The following PCSK2 variants were observed in gnomAD, a reference collection of about 807,000 sequenced individuals.
The protein encoded by PCSK2 is proprotein convertase subtilisin/kexin type 2.
PCSK2 carries 14 observed loss-of-function variants against 69.7 expected under a neutral mutation model. The ratio of observed to expected loss-of-function variants is 0.20; its 90% CI spans 0.13 to 0.31. The LOEUF (loss-of-function observed/expected upper bound fraction) is 0.31. PCSK2 is among the 10% of genes least tolerant of loss of function. The pLI, the probability that PCSK2 is intolerant of heterozygous loss-of-function variation, is 1.00. For synonymous variants in PCSK2, 307 were observed against 320.7 expected, an observed-to-expected ratio of 0.96 and a Z score of 0.46; for missense variants, 544 against 842.5, an observed-to-expected ratio of 0.65 and a Z score of 4.39.
At chr20:17,356,452 G>T (rs2030200219) in intron 2 of PCSK2, among the ~76,000 whole-genome samples, 2 of 152,148 alleles carry the variant, frequency 1.3e-5, no homozygotes, top group African/African-American at 4.8e-5. Context: ...TCATGTCAGT[G>T]TGCAGAGTAA....
intron 5 of PCSK2, among the ~76,000 whole-genome samples, chr20:17,402,115 G>A (rs1429272455): frequency 1.3e-5 from 2 of 152,158 alleles, no homozygotes; most frequent in South Asian, 2.1e-4. Context: ...TGTCTGCCTC[G>A]GCTGTTACTT....
rs144710649 is a variant in PCSK2 at position 17,392,249 on chromosome 20, A to T, written c.544-17014A>T. Reference sequence around the variant, plus strand: ...CAGGAAAGAACTCAGCATCTTGCTGACAAGTCAGGAAGAACTCACAACCTG... The same window carrying T: ...CAGGAAAGAACTCAGCATCTTGCTGTCAAGTCAGGAAGAACTCACAACCTG... On this transcript the variant is annotated intron_variant, in intron 5 of 11. Coordinates refer to ENST00000262545, the MANE Select transcript of PCSK2 (RefSeq NM_002594.5). Among the ~76,000 whole-genome samples the T allele has an allele frequency of 8.4e-3, 1,272 of 152,266 alleles. 13 individuals carry two copies. The highest frequency in any genetic ancestry group is 0.031 in the South Asian group (149 of 4,824).
rs2032948690 is a variant in PCSK2 at position 17,457,808 on chromosome 20, C to T, written c.1202+1360C>T. On this transcript the variant is annotated intron_variant, in intron 10 of 11. Transcript: ENST00000262545. ...GCAGAGCCAGGGAACAGGAGTGCTC[C>T]AAAAGCGAGAAGGGTTTCCGGTTGC... Among the ~76,000 whole-genome samples, 3 of 152,198 alleles carry T rather than the reference C, an allele frequency of 2.0e-5. No individual in the cohort carries two copies. In the South Asian group the frequency reaches 6.2e-4, roughly 32 times the overall value.
intron 2 of PCSK2, among the ~76,000 whole-genome samples, chr20:17,333,938 G>GATATATATATATATATAT (rs1990277000): frequency 5.1e-5 from 3 of 59,148 alleles, no homozygotes; most frequent in Admixed American, 2.1e-4. Context: ...TATATATATG[G>GATATATATATATATATAT]CTTCAAATCT....
At chr20:17,338,163 A>AT (rs138403647) in intron 2 of PCSK2, among the ~76,000 whole-genome samples, 8,051 of 52,824 alleles carry the variant, frequency 0.15, 535 homozygotes, top group South Asian at 0.41. Flanking sequence ...GAAACCTTAC[A>AT]TTTTTTTTGG....
chr20:17,449,526 G>GTGTATATATATATATATA (rs1555796488), intron 8 of PCSK2, among the ~76,000 whole-genome samples: 22 of 130,704 alleles, frequency 1.7e-4, no homozygotes, highest in Middle Eastern at 3.8e-3. Context: ...ATGTATGTAT[G>GTGTATATATATATATATA]TATATATATA....
At chr20:17,229,035 C>G (rs957934028) in intron 1 of PCSK2, among the ~76,000 whole-genome samples, 2 of 152,060 alleles carry the variant, frequency 1.3e-5, no homozygotes, top group Admixed American at 6.5e-5. Context: ...TCACTCCCCC[C>G]CACCCCAAAC....
chr20:17,367,493 G>A (rs2030629001), intron 4 of PCSK2, among the ~76,000 whole-genome samples: 1 of 152,240 alleles, frequency 6.6e-6, no homozygotes, highest in Admixed American at 6.5e-5. Flanking sequence ...TCTGAGCCCA[G>A]AGTGGAACTG....
intron 6 of PCSK2, among the ~76,000 whole-genome samples, chr20:17,414,676 C>T (rs898723187): frequency 4.6e-5 from 7 of 152,226 alleles, no homozygotes; most frequent in African/African-American, 9.6e-5. Context: ...TCCTCCCTAA[C>T]TCATTTTATG....
chr20:17,468,825 G>T (rs1332620863), intron 11 of PCSK2, among the ~76,000 whole-genome samples: 1 of 127,692 alleles, frequency 7.8e-6, no homozygotes, highest in Non-Finnish European at 1.9e-5. Context: ...ATCCTCCCAA[G>T]GGCCAGCATC....
At chr20:17,411,311 G>T (rs980576526) in intron 6 of PCSK2, among the ~76,000 whole-genome samples, 1 of 152,224 alleles carries the variant, frequency 6.6e-6, no homozygotes, top group Non-Finnish European at 1.5e-5. Context: ...CTGGAAAAAT[G>T]GGACACTTCT....
intron 1 of PCSK2, among the ~76,000 whole-genome samples, chr20:17,257,220 A>G (rs1348631822): frequency 1.3e-5 from 2 of 152,228 alleles, no homozygotes; most frequent in Non-Finnish European, 2.9e-5. Context: ...AACCAAAATG[A>G]GATACCGTCT....
intron 11 of PCSK2, among the ~76,000 whole-genome samples, chr20:17,479,726 G>A (rs963946625): frequency 6.6e-6 from 1 of 150,920 alleles, no homozygotes; most frequent in Non-Finnish European, 1.5e-5. Context: ...GAACCCGGGA[G>A]GCGGAGCTTG....
intron 5 of PCSK2, among the ~76,000 whole-genome samples, chr20:17,394,669 T>A (rs2031469023): frequency 6.6e-6 from 1 of 152,184 alleles, no homozygotes; most frequent in Non-Finnish European, 1.5e-5. Flanking sequence ...GAGTATTTCC[T>A]TCCCAAGAAA....
At chr20:17,328,536 G>C (rs1425101189) in intron 2 of PCSK2, among the ~76,000 whole-genome samples, 1 of 151,806 alleles carries the variant, frequency 6.6e-6, no homozygotes, top group South Asian at 2.1e-4. Flanking sequence ...TAGCAGTGGG[G>C]ATATTTGTAA....
chr20:17,299,723 AT>A (rs1989014229), intron 2 of PCSK2, among the ~76,000 whole-genome samples: 1 of 151,726 alleles, frequency 6.6e-6, no homozygotes, highest in South Asian at 2.1e-4. Context: ...CGCTAATCCA[AT>A]TTTTCACATA....
intron 2 of PCSK2, among the ~76,000 whole-genome samples, chr20:17,266,508 A>C (rs1987608325): frequency 1.3e-5 from 2 of 152,186 alleles, no homozygotes; most frequent in South Asian, 4.1e-4. Context: ...ACCATGCATA[A>C]GTTCCACTTT....
At chr20:17,332,090 T>C (rs1352387021) in intron 2 of PCSK2, among the ~76,000 whole-genome samples, 1 of 152,222 alleles carries the variant, frequency 6.6e-6, no homozygotes, top group Non-Finnish European at 1.5e-5. Context: ...CCTATAAAAT[T>C]GTGCATCAGT....
intron 2 of PCSK2, among the ~76,000 whole-genome samples, chr20:17,353,671 T>C (rs1167260076): frequency 6.6e-6 from 1 of 152,182 alleles, no homozygotes; most frequent in African/African-American, 2.4e-5. Context: ...TAAATCATTC[T>C]ACCAAAAAGA....
Sources: gnomAD v4.1 joint callset for allele counts (sites outside exome capture counted in the v4.1 genomes callset) on GRCh38, gnomAD v4.1.1 for gene constraint, MANE v1.5 for transcripts, NCBI Gene and HGNC (gene_info 2026-07-23, HGNC 2026-07-21) for gene names.